The following BACH2 variants were observed in gnomAD, a reference collection of about 807,000 sequenced individuals.
The protein encoded by BACH2 is transcription regulator protein BACH2.
Under a neutral mutation model 61.8 loss-of-function variants are expected in BACH2, and 5 were observed. That is an observed-to-expected ratio of 0.08 (90% CI 0.04 to 0.17). The LOEUF (loss-of-function observed/expected upper bound fraction) is 0.17, where lower values mean the gene tolerates loss of function less well. Ranked by LOEUF, BACH2 falls within the 10% of genes least tolerant of loss-of-function variation. The probability of loss-of-function intolerance (pLI) is 1.00; values close to 1 mark genes in which losing one functional copy is unlikely to be tolerated. For missense variants in BACH2, 824 were observed against 1,091.1 expected (o/e 0.76, Z 3.45); for synonymous variants, 446 against 440.1 (o/e 1.01, Z -0.17).
Position 90,085,217 on chromosome 6 carries a change from A to G in BACH2, c.-13+3744T>C, listed in dbSNP as rs139098956. ...TTCACTTGGAGAATGTAAAACAGGC[A>G]TCATAATAATCATAGGCCCTACAGC... On this transcript the variant is annotated intron_variant, in intron 5 of 8. Coordinates refer to ENST00000257749, the MANE Select transcript of BACH2 (RefSeq NM_021813.4). 7.3e-3 allele frequency among the ~76,000 whole-genome samples: 1,113 copies of G among 152,284 alleles called. 8 individuals carry two copies. The highest frequency in any genetic ancestry group is 0.011 in the Non-Finnish European group (769 of 68,018).
At chr6:90,213,468 TG>T (rs1769425786) in intron 3 of BACH2, among the ~76,000 whole-genome samples, 1 of 152,124 alleles carries the variant, frequency 6.6e-6, no homozygotes, top group Non-Finnish European at 1.5e-5. Context: ...ACCTGCCTCT[TG>T]GCCCCTCTGG....
At chr6:89,963,004 G>T (rs1774834752) in intron 6 of BACH2, among the ~76,000 whole-genome samples, 1 of 152,104 alleles carries the variant, frequency 6.6e-6, no homozygotes, top group Non-Finnish European at 1.5e-5. Flanking sequence ...CCTATGTAAA[G>T]AACTCTCATT....
chr6:89,949,335 A>C (rs1390982816), intron 7 of BACH2, among the ~76,000 whole-genome samples: 2 of 152,132 alleles, frequency 1.3e-5, no homozygotes, highest in Non-Finnish European at 2.9e-5. Context: ...TAGCAGTCTC[A>C]AGCTGGTACC....
chr6:90,208,970 G>T (rs544129451), intron 3 of BACH2, among the ~76,000 whole-genome samples: 1 of 147,952 alleles, frequency 6.8e-6, no homozygotes, highest in African/African-American at 2.5e-5. Context: ...ACTAAACACC[G>T]CATGTTCTTA....
At chr6:90,101,547 G>A (rs376608108) in intron 4 of BACH2, among the ~76,000 whole-genome samples, 38 of 152,124 alleles carry the variant, frequency 2.5e-4, no homozygotes, top group African/African-American at 7.5e-4. Context: ...TTGAGCATAC[G>A]TGTACTGTAT....
At chr6:90,159,046 A>G (rs1198335841) in intron 4 of BACH2, among the ~76,000 whole-genome samples, 2 of 152,178 alleles carry the variant, frequency 1.3e-5, no homozygotes, top group Admixed American at 6.5e-5. Flanking sequence ...CTTTTACCAC[A>G]TGGATGGGCA....
At chr6:89,977,867 G>T (rs192444492) in intron 6 of BACH2, among the ~76,000 whole-genome samples, 1 of 152,168 alleles carries the variant, frequency 6.6e-6, no homozygotes, top group South Asian at 2.1e-4. Context: ...TGTCCTGTAC[G>T]AAGACTGTTA....
intron 4 of BACH2, among the ~76,000 whole-genome samples, chr6:90,109,812 A>T (rs939368173): frequency 1.3e-5 from 2 of 152,198 alleles, no homozygotes; most frequent in African/African-American, 2.4e-5. Flanking sequence ...CAGTGTTTAG[A>T]CATGTTGGTC....
chr6:90,219,222 TG>T (rs1351430063), intron 3 of BACH2, among the ~76,000 whole-genome samples: 1 of 152,086 alleles, frequency 6.6e-6, no homozygotes, highest in Admixed American at 6.6e-5. Context: ...GCGCCTGCAG[TG>T]GGTATTAAGC....
chr6:90,008,835 C>A lies in BACH2; in HGVS notation c.10G>T (p.Asp4Tyr), dbSNP rs1460440753. 1 of 1,614,012 alleles carries A rather than the reference C, an allele frequency of 6.2e-7. No homozygotes were observed. Among genetic ancestry groups the A allele is most frequent in the Admixed American group, 1.7e-5 (1 of 60,006 alleles). The change falls in exon 6 of 9, where the codon GAT (aspartate) becomes TAT (tyrosine). Residue 4 changes from aspartate to tyrosine, a missense_variant. Coordinates refer to ENST00000257749, the MANE Select transcript of BACH2 (RefSeq NM_021813.4). The surrounding 1 kb of genome is among the most constrained non-coding windows in gnomAD (Gnocchi z 4.1). MSV[D>Y]EKPDSPMYVY... Reference sequence around the variant, plus strand: ...TACATGGGGGAGTCAGGCTTCTCATCCACAGACATGCCGTTCACACCCTGA... The same window carrying A: ...TACATGGGGGAGTCAGGCTTCTCATACACAGACATGCCGTTCACACCCTGA...
intron 4 of BACH2, among the ~76,000 whole-genome samples, chr6:90,179,758 A>G (rs1458841660): frequency 1.3e-5 from 2 of 152,228 alleles, no homozygotes; most frequent in Non-Finnish European, 2.9e-5. Flanking sequence ...CATTTATAGT[A>G]TCATCTATTA....
At chr6:90,078,487 C>G (rs903836693) in intron 5 of BACH2, among the ~76,000 whole-genome samples, 1 of 152,134 alleles carries the variant, frequency 6.6e-6, no homozygotes, top group African/African-American at 2.4e-5. Context: ...CTATAAATGC[C>G]TGTATTCTTC....
At chr6:90,274,042 A>C (rs1300658026) in intron 1 of BACH2, among the ~76,000 whole-genome samples, 2 of 152,232 alleles carry the variant, frequency 1.3e-5, no homozygotes, top group African/African-American at 2.4e-5. Flanking sequence ...AAGGACAGTA[A>C]TATGCAGAGA....
At chr6:90,268,250 C>T (rs947574972) in intron 2 of BACH2, among the ~76,000 whole-genome samples, 6 of 152,072 alleles carry the variant, frequency 3.9e-5, no homozygotes, top group Admixed American at 3.9e-4. Context: ...AAGTGATCTG[C>T]CTGCCTTGGC....
chr6:90,294,345 A>C (rs574063016), intron 1 of BACH2, among the ~76,000 whole-genome samples: 1 of 152,314 alleles, frequency 6.6e-6, no homozygotes, highest in African/African-American at 2.4e-5. Flanking sequence ...ACTTTATTCC[A>C]TGGTTGTGTG....
chr6:90,184,088 T>A (rs1354252149), intron 4 of BACH2, among the ~76,000 whole-genome samples: 1 of 152,200 alleles, frequency 6.6e-6, no homozygotes. Context: ...TAAAGGGTTC[T>A]TATGAGTTGT....
intron 3 of BACH2, among the ~76,000 whole-genome samples, chr6:90,248,313 T>A (rs945628215): frequency 1.3e-4 from 20 of 152,306 alleles, no homozygotes; most frequent in African/African-American, 4.6e-4. Context: ...TAATAAAAAA[T>A]ATTTTTAAAT....
chr6:90,080,245 T>C (rs1027776490), intron 5 of BACH2, among the ~76,000 whole-genome samples: 3 of 152,164 alleles, frequency 2.0e-5, no homozygotes, highest in African/African-American at 7.2e-5. Flanking sequence ...AGGAGTGATT[T>C]TGCCAAACTT....
chr6:89,983,081 G>T lies in BACH2; in HGVS notation c.243+25521C>A, dbSNP rs1402452688. The stretch of plus-strand genomic sequence containing the variant: ...TGCCTTGATTTGACCCCACCTGCAG[G>T]TGCTGAGAGCTTCAGTTTAAAATCT... On this transcript the variant is annotated intron_variant, in intron 6 of 8. Coordinates refer to ENST00000257749, the MANE Select transcript of BACH2 (RefSeq NM_021813.4). Among the ~76,000 whole-genome samples, 4 of 152,200 alleles carry T rather than the reference G, an allele frequency of 2.6e-5. No homozygotes were observed. In the South Asian group the frequency reaches 8.3e-4, roughly 31 times the overall value.
Sources: allele counts gnomAD v4.1 joint callset (sites outside exome capture counted in the v4.1 genomes callset), GRCh38; gene constraint gnomAD v4.1.1; non-coding constraint Gnocchi (gnomAD v3.1); transcripts MANE v1.5; gene names NCBI Gene and HGNC (gene_info 2026-07-23, HGNC 2026-07-21).